Variants in GHR observed in about 807,000 individuals in gnomAD.
GHR encodes GH receptor.
A neutral mutation model predicts 67.1 loss-of-function variants in GHR; 35 were observed. That is an observed-to-expected ratio of 0.52 (90% CI 0.40 to 0.69). The LOEUF (loss-of-function observed/expected upper bound fraction) is 0.69. Ranked by LOEUF, GHR falls within the 30% of genes least tolerant of loss-of-function variation. The probability of loss-of-function intolerance (pLI) is 0.00; values close to 1 mark genes in which losing one functional copy is unlikely to be tolerated. For missense variants in GHR, 792 were observed against 764.6 expected (o/e 1.04, Z -0.42); for synonymous variants, 272 against 269.1 (o/e 1.01, Z -0.10).
At chr5:42,533,519 A>G (rs1013149313) in intron 1 of GHR, among the ~76,000 whole-genome samples, 10 of 151,874 alleles carry the variant, frequency 6.6e-5, no homozygotes, top group Non-Finnish European at 1.5e-4. Flanking sequence ...TCAAGAAATG[A>G]CTTTATTTTG....
chr5:42,602,028 T>C (rs912226597), intron 2 of GHR, among the ~76,000 whole-genome samples: 2 of 152,204 alleles, frequency 1.3e-5, no homozygotes, highest in Admixed American at 1.3e-4. Flanking sequence ...ATAATTTATC[T>C]ACTAAACTGT....
At chr5:42,528,855 A>G (rs1747823685) in intron 1 of GHR, among the ~76,000 whole-genome samples, 3 of 151,998 alleles carry the variant, frequency 2.0e-5, no homozygotes, top group Admixed American at 2.0e-4. Flanking sequence ...TTGAGACAAG[A>G]CTCTCCACCG....
At chr5:42,468,896 G>A (rs1245680223) in intron 1 of GHR, 4 of 685,286 alleles carry the variant, frequency 5.8e-6, no homozygotes, top group East Asian at 6.2e-5. Context: ...ATTCCTCCAC[G>A]GATTGCAGCG....
At chr5:42,480,490 T>C (rs1272523317) in intron 1 of GHR, among the ~76,000 whole-genome samples, 1 of 152,204 alleles carries the variant, frequency 6.6e-6, no homozygotes, top group African/African-American at 2.4e-5. Flanking sequence ...ATTGGGGTGT[T>C]AAAGTCTCCC....
rs576938359 is a variant in GHR at position 42,470,112 on chromosome 5, ATAT to A, written c.-12+46161_-12+46163del. 3.3e-3 allele frequency among the ~76,000 whole-genome samples: 490 copies of A among 146,344 alleles called. 4 individuals are homozygous for A. Among genetic ancestry groups the A allele is most frequent in the African/African-American group, 0.012 (471 of 40,068 alleles). On this transcript the variant is annotated intron_variant, in intron 1 of 9. Transcript: ENST00000230882. ...TATTATATTATATGTCAATAATAAA[ATAT>A]TATATTAATATATGTTATTACATTA...
At chr5:42,513,655 G>A (rs370780825) in intron 1 of GHR, among the ~76,000 whole-genome samples, 1 of 152,124 alleles carries the variant, frequency 6.6e-6, no homozygotes, top group Non-Finnish European at 1.5e-5. Context: ...GGTGGTGCAT[G>A]CCTGTAATCC....
intron 1 of GHR, among the ~76,000 whole-genome samples, chr5:42,479,767 A>C (rs372342824): frequency 7.9e-5 from 12 of 151,728 alleles, no homozygotes; most frequent in South Asian, 2.1e-4. Flanking sequence ...CTATTTGATT[A>C]TTCTCTCTTT....
intron 1 of GHR, among the ~76,000 whole-genome samples, chr5:42,519,294 G>T (rs1747374113): frequency 6.6e-6 from 1 of 152,094 alleles, no homozygotes; most frequent in African/African-American, 2.4e-5. Context: ...AATTATGGGA[G>T]AATAAGGGCA....
At chr5:42,523,759 G>T (rs568818136) in intron 1 of GHR, among the ~76,000 whole-genome samples, 9 of 152,132 alleles carry the variant, frequency 5.9e-5, no homozygotes, top group Non-Finnish European at 1.2e-4. Flanking sequence ...AACTTGAATT[G>T]TATTTCCCAG....
At chr5:42,588,550 A>AAAAAAAAAAAAAAAAAAAAAAAAAAT (rs1458940491) in intron 2 of GHR, among the ~76,000 whole-genome samples, 1 of 150,010 alleles carries the variant, frequency 6.7e-6, no homozygotes, top group African/African-American at 2.4e-5. Flanking sequence ...AAAAAAAAAA[A>AAAAAAAAAAAAAAAAAAAAAAAAAAT]AGTGACCTAT....
intron 1 of GHR, chr5:42,465,304 A>AG: frequency 1.6e-6 from 1 of 611,856 alleles, no homozygotes; most frequent in Non-Finnish European, 2.9e-6. Flanking sequence ...TGAAGAACAG[A>AG]TTTTTTTTTT....
chr5:42,677,615 T>C (rs745459780), intron 3 of GHR, among the ~76,000 whole-genome samples: 2 of 152,196 alleles, frequency 1.3e-5, no homozygotes, highest in Non-Finnish European at 2.9e-5. Context: ...TACTCCAAGC[T>C]TGAACCTCTC....
intron 6 of GHR, among the ~76,000 whole-genome samples, chr5:42,709,557 T>A (rs1373593437): frequency 6.6e-6 from 1 of 152,200 alleles, no homozygotes; most frequent in African/African-American, 2.4e-5. Flanking sequence ...GAATTATTCA[T>A]GATATCTGTG....
At chr5:42,494,926 A>G (rs1746257568) in intron 1 of GHR, among the ~76,000 whole-genome samples, 1 of 152,042 alleles carries the variant, frequency 6.6e-6, no homozygotes, top group African/African-American at 2.4e-5. Flanking sequence ...TAAATTTCCA[A>G]TTTAGCATCC....
intron 2 of GHR, among the ~76,000 whole-genome samples, chr5:42,579,074 TATAGATAGATAGATAGATAGATAG>T (rs6149005): frequency 2.4e-3 from 295 of 123,784 alleles, no homozygotes; most frequent in African/African-American, 6.7e-3. Context: ...AATCTGACAC[TATAGATAGATAGATAGATAGATAG>T]ATAGATAGAT....
At chr5:42,518,092 C>T (rs920042483) in intron 1 of GHR, among the ~76,000 whole-genome samples, 9 of 150,700 alleles carry the variant, frequency 6.0e-5, no homozygotes, top group African/African-American at 2.2e-4. Context: ...TCACCCTCTT[C>T]CCTTTTTTTC....
chr5:42,518,205 G>A (rs1747326525), intron 1 of GHR, among the ~76,000 whole-genome samples: 1 of 107,410 alleles, frequency 9.3e-6, no homozygotes, highest in Non-Finnish European at 2.2e-5. Context: ...TAATAATTCT[G>A]TGTGTGTGTG....
In GHR at chr5:42,579,100, TAGATAGATA is replaced by T. The variant is rs1750944949; in HGVS notation, c.70+13157_70+13165del. ...ATAGATAGATAGATAGATAGATAGA[TAGATAGATA>T]GATAGATAGATAGATAGATAGATAG... is the stretch of plus-strand genomic sequence containing the variant. On this transcript the variant is annotated intron_variant, in intron 2 of 9. Coordinates refer to ENST00000230882, the MANE Select transcript of GHR (RefSeq NM_000163.5). Among the ~76,000 whole-genome samples, 3 of 127,592 alleles carry T rather than the reference TAGATAGATA, an allele frequency of 2.4e-5. No individual in the cohort carries two copies. The South Asian group carries it at 8.3e-4, about 35-fold the overall frequency. 83.7% of individuals were successfully genotyped at this position (127,592 alleles called of 152,430 possible). A position where few individuals can be genotyped will look rare whatever the true frequency, so the allele number is the denominator to read the frequency against.
intron 1 of GHR, among the ~76,000 whole-genome samples, chr5:42,429,503 A>G (rs538931947): frequency 1.3e-5 from 2 of 152,364 alleles, no homozygotes; most frequent in African/African-American, 4.8e-5. Flanking sequence ...GTTTAATATT[A>G]ATGAAATTCT....
Sources: gnomAD v4.1 joint callset for allele counts (sites outside exome capture counted in the v4.1 genomes callset) on GRCh38, gnomAD v4.1.1 for gene constraint, MANE v1.5 for transcripts, NCBI Gene and HGNC (gene_info 2026-07-23, HGNC 2026-07-21) for gene names.